CHUK: variants seen among roughly 807,000 people sequenced by gnomAD.
CHUK encodes the protein inhibitor of nuclear factor kappa-B kinase subunit alpha.
In CHUK, 35 loss-of-function variants were observed where a neutral mutation model predicts 104.8. That is an observed-to-expected ratio of 0.33 (90% CI 0.26 to 0.44). The LOEUF is 0.44. CHUK is among the 20% of genes least tolerant of loss of function. The pLI is 1.00. For missense variants in CHUK, 663 were observed against 902.7 expected, an observed-to-expected ratio of 0.73 and a Z score of 3.40; for synonymous variants, 276 against 291.9, an observed-to-expected ratio of 0.95 and a Z score of 0.56.
chr10:100,208,790 A>AAAAAAAAAC (rs1845652634), intron 10 of CHUK, among the ~76,000 whole-genome samples: 1 of 151,868 alleles, frequency 6.6e-6, no homozygotes, highest in Non-Finnish European at 1.5e-5. Flanking sequence ...TCTAAAAAAA[A>AAAAAAAAAC]AAAAAACTGG....
chr10:100,219,194 C>T lies in CHUK; in HGVS notation c.565-62G>A, dbSNP rs1845930331. On this transcript the variant is annotated intron_variant, in intron 6 of 20. Transcript: ENST00000370397. ...ATGGGAAAAGCTACTTTATTTTTGA[C>T]CTACTATATTCATGATCTTCAGAAA... is the stretch of plus-strand genomic sequence containing the variant. 4.4e-6 allele frequency: 7 copies of T among 1,580,194 alleles called. No individual in the cohort carries two copies. The South Asian group carries it at 5.5e-5, about 12-fold the overall frequency.
chr10:100,221,971 T>C (rs549135964), intron 4 of CHUK, 141 bp downstream of exon 4: 16 of 601,146 alleles, frequency 2.7e-5, no homozygotes, highest in African/African-American at 7.5e-5. Context: ...TCAATAGTAA[T>C]AGATTTTTAT....
At chr10:100,204,398 G>A (rs1845540896) in intron 13 of CHUK, 108 bp downstream of exon 13, 1 of 864,768 alleles carries the variant, frequency 1.2e-6, no homozygotes, top group Non-Finnish European at 2.0e-6. Context: ...CCTGTCTCTT[G>A]TTCTAATGTG....
In CHUK at chr10:100,193,423, A is replaced by C; in HGVS notation, c.1983T>G (p.Ser661Arg). 6.2e-7 allele frequency: 1 copy of C among 1,613,908 alleles called. No individual in the cohort carries two copies. Among genetic ancestry groups the C allele is most frequent in the Non-Finnish European group, 8.5e-7 (1 of 1,179,970 alleles). Residue 661 changes from serine to arginine, a missense_variant, in exon 19 of 21, where the codon AGT becomes AGG. Physicochemically the swap from Ser to Arg is moderately radical, Grantham distance 110. Around this residue, in one of 5 missense-constraint regions of CHUK, gnomAD observed 311 missense variants for 393.4 expected, o/e 0.79. Transcript: ENST00000370397. The stretch of plus-strand genomic sequence containing the variant: ...TGGATCCTACAAGGGACCGGGCAGA[A>C]CTCTGTGTCTGAAGGAAAAGAAAAA... ...WHLLKIACTQ[S>R]SARSLVGSSL...
chr10:100,206,479 A>G (rs1039964614), intron 11 of CHUK, among the ~76,000 whole-genome samples: 1 of 152,064 alleles, frequency 6.6e-6, no homozygotes, highest in Admixed American at 6.6e-5. Context: ...CATTCTTAAA[A>G]AAAAAAAGTC....
chr10:100,204,195 G>T (rs1845536464), intron 13 of CHUK, among the ~76,000 whole-genome samples: 1 of 152,208 alleles, frequency 6.6e-6, no homozygotes, highest in Admixed American at 6.5e-5. Flanking sequence ...TCAGTCCACA[G>T]CACTGGCTAA....
chr10:100,210,095 T>TA (rs1845694051), intron 9 of CHUK, among the ~76,000 whole-genome samples: 2 of 108,614 alleles, frequency 1.8e-5, no homozygotes, highest in Admixed American at 8.5e-5. Flanking sequence ...TTATTTATTT[T>TA]TTTTTTTTTT....
chr10:100,204,009 C>T lies in CHUK; in HGVS notation c.1507+497G>A, dbSNP rs188488369. The stretch of plus-strand genomic sequence containing the variant: ...GTTCCTAGATGACCATCTTCTTGCT[C>T]TGTCCTCACATGCAGAAGGGATGAG... On this transcript the variant is annotated intron_variant, in intron 13 of 20. Coordinates refer to ENST00000370397, the MANE Select transcript of CHUK (RefSeq NM_001278.5). Among the ~76,000 whole-genome samples, 513 of 152,320 alleles carry T rather than the reference C, an allele frequency of 3.4e-3. 5 individuals are homozygous for T. Among genetic ancestry groups the T allele is most frequent in the Admixed American group, 7.6e-3 (117 of 15,302 alleles).
intron 16 of CHUK, among the ~76,000 whole-genome samples, chr10:100,199,074 C>T (rs1025274854): frequency 2.0e-5 from 3 of 152,166 alleles, no homozygotes; most frequent in African/African-American, 4.8e-5. Flanking sequence ...CCTGAGGTAA[C>T]GGTCAGTAAA....
chr10:100,205,208 A>G lies in CHUK; in HGVS notation c.1232-9T>C. Reference sequence around the variant, plus strand: ...TATTTTGCTGTCCTGTACTATATACAAGAAGATGAGAAAAAGGGCAAGGGA... The same window carrying G: ...TATTTTGCTGTCCTGTACTATATACGAGAAGATGAGAAAAAGGGCAAGGGA... On this transcript the variant is annotated splice_polypyrimidine_tract_variant and intron_variant, in intron 11 of 20. Transcript: ENST00000370397. 6.2e-7 allele frequency: 1 copy of G among 1,613,856 alleles called. No individual in the cohort carries two copies.
chr10:100,196,997 C>T (rs1289300236), intron 16 of CHUK, among the ~76,000 whole-genome samples: 1 of 152,206 alleles, frequency 6.6e-6, no homozygotes, highest in Non-Finnish European at 1.5e-5. Context: ...TCCCTCTCCA[C>T]AGGCTTTTTT....
chr10:100,193,875 A>G (rs779346503), intron 18 of CHUK, 109 bp downstream of exon 18: 69 of 986,034 alleles, frequency 7.0e-5, no homozygotes, highest in Non-Finnish European at 1.1e-4. Context: ...ATCCCAATGC[A>G]AAATATACAT....
intron 16 of CHUK, among the ~76,000 whole-genome samples, chr10:100,198,451 TA>T (rs911073617): frequency 6.6e-5 from 10 of 152,314 alleles, no homozygotes; most frequent in Admixed American, 6.5e-4. Context: ...TGCATGGTGG[TA>T]AAAAATATAA....
chr10:100,199,923 T>C (rs532144968), intron 16 of CHUK, 48 bp downstream of exon 16: 2 of 1,308,260 alleles, frequency 1.5e-6, no homozygotes, highest in African/African-American at 1.4e-5. Flanking sequence ...GTTAGGCTAG[T>C]GATAGTTACC....
intron 1 of CHUK, among the ~76,000 whole-genome samples, chr10:100,227,908 G>C (rs1846140538): frequency 6.6e-6 from 1 of 152,088 alleles, no homozygotes; most frequent in African/African-American, 2.4e-5. Flanking sequence ...AGGCATTTTA[G>C]TAAGATCTTA....
At chr10:100,212,014 C>CTGAGATTACAGA (rs1269250547) in intron 9 of CHUK, among the ~76,000 whole-genome samples, 1 of 152,030 alleles carries the variant, frequency 6.6e-6, no homozygotes, top group Non-Finnish European at 1.5e-5. Flanking sequence ...TACGGAGTAG[C>CTGAGATTACAGA]TGGGATTACA....
chr10:100,201,856 A>C (rs914196028), intron 14 of CHUK, among the ~76,000 whole-genome samples: 2 of 152,170 alleles, frequency 1.3e-5, no homozygotes, highest in African/African-American at 4.8e-5. Flanking sequence ...CTGTTTCAAA[A>C]AATAAATAAA....
At position 100,222,895 on chromosome 10, in the gene CHUK, C is replaced by A; in HGVS notation, c.286G>T (p.Glu96Ter). 1 of 1,592,720 alleles carries A rather than the reference C, an allele frequency of 6.3e-7. No homozygotes were observed. The highest frequency in any genetic ancestry group is 1.1e-5 in the South Asian group (1 of 90,624). Residue 96 changes from glutamate (E) to a stop codon, truncating the protein, a stop_gained, in exon 3 of 21, where the codon GAA becomes TAA. Transcript: ENST00000370397. LOFTEE classifies it high-confidence loss of function. Reference protein sequence around the residue: ...LIHDVPLLAMEYCSGGDLRKL... With the variant: ...LIHDVPLLAM ...CGGAGATCTCCTCCAGAACAGTATTCCATTGCTAGAAGAGGCACATCATGA... is the reference window on the plus strand; with the variant it reads ...CGGAGATCTCCTCCAGAACAGTATTACATTGCTAGAAGAGGCACATCATGA...
At chr10:100,229,309 CA>C in intron 1 of CHUK, 118 bp downstream of exon 1, 1 of 775,896 alleles carries the variant, frequency 1.3e-6, no homozygotes, top group Non-Finnish European at 2.2e-6. Flanking sequence ...CACTGGCCCC[CA>C]AATACTGCCC....
Sources: gnomAD v4.1 joint callset for allele counts (sites outside exome capture counted in the v4.1 genomes callset) on GRCh38, gnomAD v4.1.1 for gene constraint, gnomAD v4.1.1 regional missense constraint, MANE v1.5 for transcripts, NCBI Gene and HGNC (gene_info 2026-07-23, HGNC 2026-07-21) for gene names.